NUP35: variants seen among roughly 807,000 people sequenced by gnomAD.
NUP35 encodes the protein nucleoporin 35.
In NUP35, 25 loss-of-function variants were observed where a neutral mutation model predicts 41.5. The ratio of observed to expected loss-of-function variants is 0.60; its 90% CI spans 0.44 to 0.84. The LOEUF is 0.84. Ranked by LOEUF, NUP35 falls within the 40% of genes least tolerant of loss-of-function variation. The pLI is 0.00. For missense variants in NUP35, 396 were observed against 396.6 expected (o/e 1.00, Z 0.01); for synonymous variants, 149 against 130.7 (o/e 1.14, Z -0.96).
intron 4 of NUP35, among the ~76,000 whole-genome samples, chr2:183,144,742 T>C (rs1349177547): frequency 6.6e-6 from 1 of 152,164 alleles, no homozygotes; most frequent in African/African-American, 2.4e-5. Flanking sequence ...GCATCAGAAG[T>C]CTGATTGAAA....
rs1685790845 is a variant in NUP35, at chr2:183,159,514, T to C, written c.765T>C (p.Cys255=). 1.2e-6 allele frequency: 2 copies of C among 1,613,470 alleles called. No individual in the cohort carries two copies. Among genetic ancestry groups the C allele is most frequent in the South Asian group, 2.2e-5 (2 of 91,062 alleles). The change falls in exon 8 of 9, where the codon TGT becomes TGC. Residue 255 remains cysteine (C), a synonymous_variant. Transcript: ENST00000295119. ...DKSVMESSDR[C]ALSSPSLAFT... ...GTGTTATGGAAAGCAGTGACAGATG[T>C]GCTTTATCATCTCCATCTTTAGCCT...
intron 3 of NUP35, chr2:183,131,414 C>T (rs1575115620): frequency 6.6e-6 from 1 of 152,120 alleles, no homozygotes; most frequent in East Asian, 1.9e-4. Context: ...TATGCCTTTC[C>T]CTAAATTGTA....
At chr2:183,126,184 G>A (rs1468714645) in intron 1 of NUP35, among the ~76,000 whole-genome samples, 2 of 151,968 alleles carry the variant, frequency 1.3e-5, no homozygotes, top group African/African-American at 2.4e-5. Context: ...ACAGTGTGCC[G>A]CCACTCCCAG....
chr2:183,124,417 T>G (rs777761084), upstream of NUP35: 4 of 1,613,628 alleles, frequency 2.5e-6, no homozygotes, highest in South Asian at 4.4e-5. Flanking sequence ...TTTTGAAAAT[T>G]AATTGGGAAG....
chr2:183,149,929 G>A (rs1685406748), intron 4 of NUP35, among the ~76,000 whole-genome samples: 1 of 151,110 alleles, frequency 6.6e-6, no homozygotes, highest in Non-Finnish European at 1.5e-5. Flanking sequence ...ATTTTTTTGA[G>A]ACAGAGTCTC....
At chr2:183,138,744 T>G (rs778934827) in intron 4 of NUP35, among the ~76,000 whole-genome samples, 3 of 151,978 alleles carry the variant, frequency 2.0e-5, no homozygotes, top group Non-Finnish European at 4.4e-5. Context: ...CACTTATATA[T>G]TAGCTCTCTT....
rs752122443 is a variant in NUP35 at position 183,124,452 on chromosome 2, G to A, written c.-6G>A. 3.7e-6 allele frequency: 6 copies of A among 1,614,054 alleles called. No individual in the cohort carries two copies. In the African/African-American group the frequency reaches 4.0e-5, roughly 11 times the overall value. ...GGTACTGGTTTTAAGTGTAGTTGCC[G>A]ACGCAATGGCAGCCTTTGCAGTGGA... On this transcript the variant is annotated 5_prime_UTR_variant, in exon 1 of 9. Transcript: ENST00000295119.
At chr2:183,117,828 A>G (rs1369120496) in intron 1 of NUP35, among the ~76,000 whole-genome samples, 1 of 152,172 alleles carries the variant, frequency 6.6e-6, no homozygotes, top group Non-Finnish European at 1.5e-5. Flanking sequence ...TGGATATATT[A>G]AACTTATTGA....
intron 1 of NUP35, among the ~76,000 whole-genome samples, chr2:183,126,928 A>G (rs1218878630): frequency 1.3e-5 from 2 of 152,058 alleles, no homozygotes; most frequent in Non-Finnish European, 2.9e-5. Flanking sequence ...AGTTTTTGCT[A>G]TTATAAAATA....
intron 1 of NUP35, among the ~76,000 whole-genome samples, chr2:183,126,774 A>G (rs1256982710): frequency 6.6e-6 from 1 of 152,204 alleles, no homozygotes; most frequent in Non-Finnish European, 1.5e-5. Context: ...TCTAGAAGTT[A>G]AGTAATAGTT....
intron 5 of NUP35, among the ~76,000 whole-genome samples, chr2:183,155,943 A>G (rs1685649723): frequency 1.3e-5 from 2 of 152,196 alleles, no homozygotes; most frequent in Non-Finnish European, 1.5e-5. Flanking sequence ...GAACTGAAGC[A>G]TTCTCCTTTA....
chr2:183,145,483 G>C (rs1685248197), intron 4 of NUP35, among the ~76,000 whole-genome samples: 1 of 152,160 alleles, frequency 6.6e-6, no homozygotes, highest in African/African-American at 2.4e-5. Context: ...AAATGCTTCT[G>C]TGGTGATGAG....
rs1406907415 is a variant in NUP35, at chr2:183,130,474, C to G, written c.268C>G (p.Pro90Ala). ...TCATAAAGATAAAAGTGGCGCTCCA[C>G]CAGTTAGAAGTATATATGATGACAT... ...PAHKDKSGAP[P>A]VRSIYDDISS... is the part of the protein sequence containing the mutation. Residue 90 changes from proline to alanine, a missense_variant, in exon 3 of 9, where the codon CCA becomes GCA. Pro to Ala is a conservative substitution (Grantham distance 27, BLOSUM62 -1). Transcript: ENST00000295119. 6.2e-7 allele frequency: 1 copy of G among 1,611,396 alleles called. No individual in the cohort carries two copies. The highest frequency in any genetic ancestry group is 8.5e-7 in the Non-Finnish European group (1 of 1,179,548).
At chr2:183,119,818 G>A (rs976636138), upstream of NUP35, among the ~76,000 whole-genome samples, 1 of 152,048 alleles carries the variant, frequency 6.6e-6, no homozygotes, top group African/African-American at 2.4e-5. Flanking sequence ...CTGAGTAGCT[G>A]GGACTAAAAG....
chr2:183,151,056 A>G (rs2105601403), intron 4 of NUP35, among the ~76,000 whole-genome samples: 1 of 152,340 alleles, frequency 6.6e-6, no homozygotes, highest in Non-Finnish European at 1.5e-5. Flanking sequence ...TAAGGTAGAT[A>G]TTGTTTAGTG....
Position 183,161,117 on chromosome 2 carries a change from AT to A in NUP35, c.968del (p.Met323SerfsTer15). On this transcript the variant is annotated frameshift_variant, in exon 9 of 9. Coordinates refer to ENST00000295119, the MANE Select transcript of NUP35 (RefSeq NM_138285.5). LOFTEE classifies it high-confidence loss of function. Reference sequence around the variant, plus strand: ...TCTTGTATCCAAAGCAATGGAGTACATGTTTGGCTGGTAGTAGAACACCAAG... The same window carrying A: ...TCTTGTATCCAAAGCAATGGAGTACAGTTTGGCTGGTAGTAGAACACCAAG... ...ESLVSKAMEY[M>X]FGW The A allele has an allele frequency of 6.2e-7, 1 of 1,612,764 alleles. No homozygotes were observed. Among genetic ancestry groups the A allele is most frequent in the African/African-American group, 1.3e-5 (1 of 75,012 alleles).
chr2:183,143,693 G>C (rs1260703852), intron 4 of NUP35, among the ~76,000 whole-genome samples: 1 of 152,152 alleles, frequency 6.6e-6, no homozygotes, highest in Non-Finnish European at 1.5e-5. Flanking sequence ...GAGAGGCCTG[G>C]TCTGTAAGCC....
chr2:183,133,247 AT>A (rs1469314244), intron 3 of NUP35, among the ~76,000 whole-genome samples: 1 of 151,716 alleles, frequency 6.6e-6, no homozygotes, highest in Non-Finnish European at 1.5e-5. Context: ...AATTACCATT[AT>A]CTCTGTTATT....
intron 4 of NUP35, among the ~76,000 whole-genome samples, chr2:183,146,461 A>C (rs1685280736): frequency 1.3e-5 from 2 of 152,208 alleles, no homozygotes; most frequent in Admixed American, 1.3e-4. Context: ...AGACAACAAG[A>C]TGTTCAAATA....
Sources: allele counts gnomAD v4.1 joint callset (sites outside exome capture counted in the v4.1 genomes callset), GRCh38; gene constraint gnomAD v4.1.1; transcripts MANE v1.5; gene names NCBI Gene and HGNC (gene_info 2026-07-23, HGNC 2026-07-21).